HGD: variants seen among roughly 807,000 people sequenced by gnomAD.
HGD encodes homogentisate 1,2-dioxygenase, also known as homogentisate oxidase.
A neutral mutation model predicts 60.8 loss-of-function variants in HGD; 61 were observed. The observed-to-expected ratio is 1.00, with a 90% CI of 0.82 to 1.24. The LOEUF (loss-of-function observed/expected upper bound fraction) is 1.24, where lower values mean the gene tolerates loss of function less well. Among genes scored for constraint, HGD ranks in the 50% most tolerant of loss-of-function variants. HGD has a pLI of 0.00. For missense variants in HGD, 542 were observed against 547.1 expected, an observed-to-expected ratio of 0.99 and a Z score of 0.09; for synonymous variants, 212 against 187.7, an observed-to-expected ratio of 1.13 and a Z score of -1.06.
At chr3:120,653,293 G>A (rs1028281218) in intron 4 of HGD, among the ~76,000 whole-genome samples, 19 of 152,178 alleles carry the variant, frequency 1.2e-4, no homozygotes, top group African/African-American at 3.6e-4. Context: ...AGGAAGAGGG[G>A]AGGAAAATCA....
intron 4 of HGD, among the ~76,000 whole-genome samples, chr3:120,667,427 A>G (rs1268871029): frequency 6.6e-6 from 1 of 151,858 alleles, no homozygotes; most frequent in Non-Finnish European, 1.5e-5. Context: ...AATAGTTCCT[A>G]TGAAAGGGTG....
At chr3:120,660,827 C>G (rs937338173) in intron 4 of HGD, among the ~76,000 whole-genome samples, 4 of 152,058 alleles carry the variant, frequency 2.6e-5, no homozygotes, top group African/African-American at 9.7e-5. Flanking sequence ...CAAAACATAA[C>G]AAAAGTCTTT....
At chr3:120,653,364 C>A (rs977179407) in intron 4 of HGD, among the ~76,000 whole-genome samples, 1 of 152,184 alleles carries the variant, frequency 6.6e-6, no homozygotes. Flanking sequence ...TGGCAGCAGG[C>A]CTGACTTATC....
chr3:120,631,312 C>A (rs878888256), intron 13 of HGD, among the ~76,000 whole-genome samples: 1 of 151,936 alleles, frequency 6.6e-6, no homozygotes, highest in East Asian at 1.9e-4. Context: ...TGACCATAGT[C>A]AATAAAAATT....
chr3:120,674,511 T>C (rs149141143), intron 3 of HGD: 6,565 of 243,788 alleles, frequency 0.027, 115 homozygotes, highest in Middle Eastern at 0.064. Flanking sequence ...CTGAGAAAGA[T>C]ATTGCTCTGA....
chr3:120,648,017 C>A, intron 6 of HGD, 106 bp from the exon 7 acceptor site: 2 of 952,788 alleles, frequency 2.1e-6, no homozygotes, highest in Non-Finnish European at 3.4e-6. Context: ...AAGCTCAGAG[C>A]TGGGTATAAA....
At chr3:120,629,258 C>T (rs1256301676) in intron 13 of HGD, among the ~76,000 whole-genome samples, 4 of 152,182 alleles carry the variant, frequency 2.6e-5, no homozygotes, top group African/African-American at 9.7e-5. Context: ...TTCTTATCCA[C>T]TGTGGCTTTA....
chr3:120,649,303 C>T (rs1040907864), intron 6 of HGD, among the ~76,000 whole-genome samples: 6 of 151,668 alleles, frequency 4.0e-5, no homozygotes, highest in African/African-American at 9.7e-5. Context: ...CCACCACGCC[C>T]GGCTAATTTT....
At chr3:120,650,697 GTGAAACCTGGAGTT>G in intron 6 of HGD, 63 bp downstream of exon 6, 1 of 1,051,354 alleles carries the variant, frequency 9.5e-7, no homozygotes, top group Non-Finnish European at 1.5e-6. Flanking sequence ...CTTCACAAGA[GTGAAACCTGGAGTT>G]TGACTTCTGG....
chr3:120,652,834 T>C (rs1355930496), intron 4 of HGD, among the ~76,000 whole-genome samples, 183 bp from the exon 5 acceptor site: 1 of 152,224 alleles, frequency 6.6e-6, no homozygotes, highest in Non-Finnish European at 1.5e-5. Context: ...TGTTAGTGTG[T>C]GTTATTTGTG....
At chr3:120,668,737 G>T (rs1707957428) in intron 4 of HGD, among the ~76,000 whole-genome samples, 1 of 152,012 alleles carries the variant, frequency 6.6e-6, no homozygotes, top group South Asian at 2.1e-4. Flanking sequence ...CTTCACAATA[G>T]CACTGTGAGG....
intron 6 of HGD, among the ~76,000 whole-genome samples, 163 bp downstream of exon 6, chr3:120,650,611 T>C (rs939243779): frequency 3.9e-5 from 6 of 152,254 alleles, no homozygotes; most frequent in African/African-American, 7.2e-5. Context: ...TTCATTATCA[T>C]TGTCAATAAA....
At chr3:120,667,123 G>T (rs1198830777) in intron 4 of HGD, among the ~76,000 whole-genome samples, 3 of 151,610 alleles carry the variant, frequency 2.0e-5, no homozygotes, top group Non-Finnish European at 4.4e-5. Context: ...CCAGGAGTTC[G>T]AGACCAGCCT....
intron 4 of HGD, among the ~76,000 whole-genome samples, chr3:120,654,414 G>A (rs897209976): frequency 6.6e-6 from 1 of 152,158 alleles, no homozygotes; most frequent in African/African-American, 2.4e-5. Flanking sequence ...TTCTTCTAAT[G>A]TGCAGCTAGG....
chr3:120,669,485 A>ACACACG (rs1553720843), intron 4 of HGD, among the ~76,000 whole-genome samples: 1 of 149,552 alleles, frequency 6.7e-6, no homozygotes, highest in Non-Finnish European at 1.5e-5. Context: ...ACACACACAC[A>ACACACG]CGCAGACTGT....
At chr3:120,639,159 C>T (rs1406265381) in intron 11 of HGD, among the ~76,000 whole-genome samples, 1 of 152,050 alleles carries the variant, frequency 6.6e-6, no homozygotes, top group Non-Finnish European at 1.5e-5. Flanking sequence ...ATACAGGATC[C>T]CATCACCCAG....
At chr3:120,671,206 T>A (rs1708018289) in intron 3 of HGD, among the ~76,000 whole-genome samples, 1 of 152,172 alleles carries the variant, frequency 6.6e-6, no homozygotes. Context: ...AATTATCAGA[T>A]CATTTTAACT....
intron 11 of HGD, among the ~76,000 whole-genome samples, 198 bp downstream of exon 11, chr3:120,641,391 C>G (rs1472764861): frequency 1.3e-5 from 2 of 152,178 alleles, no homozygotes; most frequent in Non-Finnish European, 2.9e-5. Flanking sequence ...GCTATGTTCA[C>G]AGGGGAATGT....
intron 1 of HGD, among the ~76,000 whole-genome samples, chr3:120,678,904 G>A (rs530152322): frequency 3.9e-5 from 6 of 152,254 alleles, no homozygotes; most frequent in African/African-American, 1.2e-4. Flanking sequence ...TATCAGCTGC[G>A]AAAATCCAAG....
Sources: allele counts gnomAD v4.1 joint callset (sites outside exome capture counted in the v4.1 genomes callset), GRCh38; gene constraint gnomAD v4.1.1; transcripts MANE v1.5; gene names NCBI Gene and HGNC (gene_info 2026-07-23, HGNC 2026-07-21).